The following ARHGAP12 variants were observed in gnomAD, a reference collection of about 807,000 sequenced individuals.
ARHGAP12 encodes Rho GTPase activating protein 12.
Under a neutral mutation model 108.6 loss-of-function variants are expected in ARHGAP12, and 64 were observed. The ratio of observed to expected loss-of-function variants is 0.59; its 90% CI spans 0.48 to 0.73. ARHGAP12 has a LOEUF of 0.73. Ranked by LOEUF, ARHGAP12 falls within the 30% of genes least tolerant of loss-of-function variation. The probability of loss-of-function intolerance (pLI) is 0.00; values close to 1 mark genes in which losing one functional copy is unlikely to be tolerated. For synonymous variants in ARHGAP12, 312 were observed against 337.2 expected, an observed-to-expected ratio of 0.93 and a Z score of 0.82; for missense variants, 940 against 1,005.9, an observed-to-expected ratio of 0.93 and a Z score of 0.89.
chr10:31,900,481 C>G (rs1380725982), intron 3 of ARHGAP12, among the ~76,000 whole-genome samples: 1 of 152,156 alleles, frequency 6.6e-6, no homozygotes, highest in Non-Finnish European at 1.5e-5. Context: ...AATGGATAAA[C>G]TGTGAAAGAT....
chr10:31,898,866 A>G (rs887987413), intron 3 of ARHGAP12, among the ~76,000 whole-genome samples: 1 of 152,054 alleles, frequency 6.6e-6, no homozygotes, highest in Admixed American at 6.6e-5. Context: ...ACAACAAACA[A>G]AAAAAAACAC....
intron 1 of ARHGAP12, among the ~76,000 whole-genome samples, chr10:31,917,741 A>G (rs1196238840): frequency 2.0e-5 from 3 of 152,220 alleles, no homozygotes; most frequent in Non-Finnish European, 2.9e-5. Flanking sequence ...CTAGTGTCAG[A>G]CATCAGTAAC....
intron 1 of ARHGAP12, among the ~76,000 whole-genome samples, chr10:31,926,624 CTATT>C (rs537649904): frequency 6.6e-6 from 1 of 152,290 alleles, no homozygotes; most frequent in South Asian, 2.1e-4. Context: ...CAGATCACCA[CTATT>C]TAGTTTTTAC....
intron 4 of ARHGAP12, among the ~76,000 whole-genome samples, chr10:31,860,094 T>C (rs535872973): frequency 3.2e-4 from 49 of 152,322 alleles, no homozygotes; most frequent in African/African-American, 1.1e-3. Flanking sequence ...CTTGTTATAG[T>C]TAAACATGAA....
chr10:31,927,798 T>TG (rs1272099598), intron 1 of ARHGAP12, among the ~76,000 whole-genome samples: 1 of 152,204 alleles, frequency 6.6e-6, no homozygotes, highest in East Asian at 1.9e-4. Context: ...ACGAAGACCG[T>TG]GTGGCCATTT....
chr10:31,809,379 T>C (rs1256641362), intron 16 of ARHGAP12, 72 bp from the exon 17 acceptor site: 1 of 1,349,600 alleles, frequency 7.4e-7, no homozygotes, highest in Admixed American at 1.7e-5. Context: ...CACGTTTGCA[T>C]GTGTCAGAAT....
chr10:31,843,849 G>A (rs1180137572), intron 6 of ARHGAP12, among the ~76,000 whole-genome samples: 1 of 152,082 alleles, frequency 6.6e-6, no homozygotes, highest in East Asian at 1.9e-4. Flanking sequence ...TCTAAGTTTT[G>A]TCAACTGTAA....
intron 4 of ARHGAP12, among the ~76,000 whole-genome samples, chr10:31,854,593 G>C (rs74127855): frequency 1.3e-5 from 2 of 152,162 alleles, no homozygotes; most frequent in Non-Finnish European, 2.9e-5. Flanking sequence ...AACTTCATTA[G>C]ACTGAGCTCC....
intron 1 of ARHGAP12, among the ~76,000 whole-genome samples, chr10:31,918,872 T>TA (rs771698916): frequency 6.6e-5 from 10 of 152,194 alleles, no homozygotes; most frequent in Non-Finnish European, 7.3e-5. Context: ...TATCCAGCAA[T>TA]TCCACTTCTG....
Position 31,814,349 on chromosome 10 carries a change from C to A in ARHGAP12, c.1744G>T (p.Asp582Tyr). The A allele has an allele frequency of 6.2e-7, 1 of 1,612,794 alleles. No homozygotes were observed. Residue 582 changes from aspartate to tyrosine, a missense_variant, in exon 14 of 20, where the codon GAT becomes TAT. Physicochemically the swap from Asp to Tyr is radical, Grantham distance 160. Coordinates refer to ENST00000344936, the MANE Select transcript of ARHGAP12 (RefSeq NM_018287.7). ...STINNQAVET[D>Y]EGIEEEIPDS... is the part of the protein sequence containing the mutation. ...GGTATCTCCTCTTCAATTCCTTCAT[C>A]AGTTTCTACTGCCTATTGGTTAGAT...
intron 11 of ARHGAP12, among the ~76,000 whole-genome samples, chr10:31,825,636 C>T (rs1289666716): frequency 6.6e-6 from 1 of 152,018 alleles, no homozygotes; most frequent in Non-Finnish European, 1.5e-5. Flanking sequence ...AATAGCTATC[C>T]CAGCGTTAAG....
At chr10:31,887,000 G>A (rs1297765715) in intron 3 of ARHGAP12, among the ~76,000 whole-genome samples, 1 of 152,194 alleles carries the variant, frequency 6.6e-6, no homozygotes, top group Non-Finnish European at 1.5e-5. Flanking sequence ...TTAGTCAAGA[G>A]TTCTCCAGTG....
intron 9 of ARHGAP12, 23 bp downstream of exon 9, chr10:31,839,282 A>T: frequency 6.2e-7 from 1 of 1,605,380 alleles, no homozygotes; most frequent in Non-Finnish European, 8.5e-7. Flanking sequence ...ATGCCTATTA[A>T]GAAGGAGAGG....
intron 4 of ARHGAP12, among the ~76,000 whole-genome samples, chr10:31,855,046 G>T (rs1400490786): frequency 7.1e-5 from 7 of 99,084 alleles, no homozygotes; most frequent in Non-Finnish European, 1.4e-4. Flanking sequence ...AGGGGGAGGG[G>T]ATAGGAGAGG....
At chr10:31,878,117 C>G (rs1461126620) in intron 3 of ARHGAP12, among the ~76,000 whole-genome samples, 1 of 152,078 alleles carries the variant, frequency 6.6e-6, no homozygotes, top group Non-Finnish European at 1.5e-5. Flanking sequence ...GATTAAGCTG[C>G]ACAAAATGTT....
chr10:31,874,669 T>C (rs11008676), intron 3 of ARHGAP12, among the ~76,000 whole-genome samples: 28,480 of 150,274 alleles, frequency 0.19, 2,987 homozygotes, highest in East Asian at 0.46. Context: ...ATGGACTCTA[T>C]AAGTAGAAAA....
chr10:31,926,561 A>G (rs1840058019), intron 1 of ARHGAP12, among the ~76,000 whole-genome samples: 1 of 152,234 alleles, frequency 6.6e-6, no homozygotes, highest in African/African-American at 2.4e-5. Context: ...TAAAACTGTG[A>G]TGCCCATTTT....
intron 3 of ARHGAP12, among the ~76,000 whole-genome samples, chr10:31,894,753 A>T (rs952795875): frequency 6.6e-6 from 1 of 152,196 alleles, no homozygotes; most frequent in African/African-American, 2.4e-5. Context: ...AACTACTTTA[A>T]AGTTCATATG....
At chr10:31,895,021 G>C (rs913773804) in intron 3 of ARHGAP12, among the ~76,000 whole-genome samples, 16 of 152,166 alleles carry the variant, frequency 1.1e-4, no homozygotes, top group African/African-American at 3.9e-4. Context: ...TTTAATAAAT[G>C]GTGCTGGGAA....
Sources: gnomAD v4.1 joint callset for allele counts (sites outside exome capture counted in the v4.1 genomes callset) on GRCh38, gnomAD v4.1.1 for gene constraint, MANE v1.5 for transcripts, NCBI Gene and HGNC (gene_info 2026-07-23, HGNC 2026-07-21) for gene names.